The following SKA2 variants were observed in gnomAD, a reference collection of about 807,000 sequenced individuals.
SKA2 encodes the protein spindle and kinetochore-associated protein 2.
SKA2 carries 13 observed loss-of-function variants against 16.9 expected under a neutral mutation model. That is an observed-to-expected ratio of 0.77 (90% confidence interval 0.50 to 1.22). The LOEUF is 1.22. Among genes scored for constraint, SKA2 ranks in the 50% most tolerant of loss-of-function variants. The pLI is 0.00. For synonymous variants in SKA2, 47 were observed against 48.5 expected, an observed-to-expected ratio of 0.97 and a Z score of 0.13; for missense variants, 107 against 139.7, an observed-to-expected ratio of 0.77 and a Z score of 1.18.
chr17:59,145,841 T>G (rs1350914547), intron 1 of SKA2, among the ~76,000 whole-genome samples: 1 of 151,978 alleles, frequency 6.6e-6, no homozygotes, highest in African/African-American at 2.4e-5. Context: ...TTTTTTAAAC[T>G]AGCCAGGCAT....
Position 59,112,015 on chromosome 17 carries a change from CTAAG to C in SKA2, c.*258_*261del, listed in dbSNP as rs1273248843. ...GAATTTCTGGCCTGAAATTACAAGACTAAGTGTGTGTGTGCATGCGTGTGTACAT... is the reference window on the plus strand; with the variant it reads ...GAATTTCTGGCCTGAAATTACAAGACTGTGTGTGTGCATGCGTGTGTACAT... On this transcript the variant is annotated 3_prime_UTR_variant, in exon 4 of 4. Transcript: ENST00000330137. 2.6e-5 allele frequency: 9 copies of C among 344,154 alleles called. No homozygotes were observed. Among genetic ancestry groups the C allele is most frequent in the Middle Eastern group, 8.3e-4 (1 of 1,198 alleles). 21.3% of individuals were successfully genotyped at this position (344,154 alleles called of 1,614,324 possible). A position where few individuals can be genotyped will look rare whatever the true frequency, so the allele number is the denominator to read the frequency against.
At chr17:59,144,557 G>A (rs1053222371) in intron 1 of SKA2, among the ~76,000 whole-genome samples, 2 of 152,090 alleles carry the variant, frequency 1.3e-5, no homozygotes, top group African/African-American at 2.4e-5. Flanking sequence ...TAGTACATAC[G>A]TACAATGGAA....
chr17:59,121,793 C>CAAAAAAAA (rs758240217), intron 2 of SKA2, among the ~76,000 whole-genome samples: 18 of 81,146 alleles, frequency 2.2e-4, no homozygotes, highest in East Asian at 4.2e-4. Context: ...TACGAAAATA[C>CAAAAAAAA]AAAAAAAAAA....
intron 1 of SKA2, chr17:59,151,236 G>C: frequency 2.0e-6 from 1 of 498,442 alleles, no homozygotes; most frequent in South Asian, 1.5e-5. Flanking sequence ...AGTAGGAAAG[G>C]AACACAAAAG....
chr17:59,153,394 T>C (rs1157322018), intron 1 of SKA2, among the ~76,000 whole-genome samples: 2 of 151,946 alleles, frequency 1.3e-5, no homozygotes, highest in Non-Finnish European at 2.9e-5. Context: ...CTGCAGGAAA[T>C]TCTTCCTTCT....
At chr17:59,128,425 G>C (rs887333181) in intron 2 of SKA2, among the ~76,000 whole-genome samples, 6 of 151,746 alleles carry the variant, frequency 4.0e-5, no homozygotes. Context: ...AGGAGTTCAA[G>C]ACCAGCCTGG....
intron 2 of SKA2, among the ~76,000 whole-genome samples, chr17:59,122,202 G>A (rs1038406336): frequency 1.3e-5 from 2 of 152,174 alleles, no homozygotes; most frequent in African/African-American, 2.4e-5. Flanking sequence ...GCTGGGCCAT[G>A]GTGGCTCATG....
chr17:59,125,741 G>T (rs1315123271), intron 2 of SKA2, among the ~76,000 whole-genome samples: 1 of 151,474 alleles, frequency 6.6e-6, no homozygotes, highest in Admixed American at 6.6e-5. Context: ...TAATGATAGT[G>T]CTGGTGATGG....
chr17:59,152,355 G>A (rs7502947), intron 1 of SKA2, among the ~76,000 whole-genome samples: 105,270 of 151,988 alleles, frequency 0.69, 37,914 homozygotes, highest in African/African-American at 0.88. Flanking sequence ...AAGGAAATGG[G>A]CTCATACAAA....
chr17:59,146,255 T>C (rs2046531548), intron 1 of SKA2, among the ~76,000 whole-genome samples: 2 of 152,238 alleles, frequency 1.3e-5, no homozygotes, highest in African/African-American at 4.8e-5. Context: ...CCCAGCACTT[T>C]TGAGAGGCCA....
In SKA2 at chr17:59,109,939, A is replaced by T. The variant is rs1234503028; in HGVS notation, c.*2338T>A. 1 of 152,262 alleles carries T rather than the reference A, an allele frequency of 6.6e-6. No individual in the cohort carries two copies. The highest frequency in any genetic ancestry group is 1.9e-4 in the East Asian group (1 of 5,206). The allele number at this position is 152,262 out of a possible 1,614,324, so 9.4% of individuals were successfully genotyped here. A position where few individuals can be genotyped will look rare whatever the true frequency, so the allele number is the denominator to read the frequency against. The stretch of plus-strand genomic sequence containing the variant: ...GGTGTGAAGATAATGTAGAGGTTGT[A>T]TACTATGACCATTTTAGAAAGAGGA... On this transcript the variant is annotated 3_prime_UTR_variant, in exon 4 of 4. Transcript: ENST00000330137.
chr17:59,122,831 C>T lies in SKA2; in HGVS notation c.121-3336G>A, dbSNP rs1027872769. On this transcript the variant is annotated intron_variant, in intron 2 of 3. Transcript: ENST00000330137. ...AGAGATGAGGTTTCGCCATGTTGGC[C>T]AGGCTGGTCTAGAACTCCTGACCTC... is the stretch of plus-strand genomic sequence containing the variant. 5.9e-5 allele frequency among the ~76,000 whole-genome samples: 9 copies of T among 151,848 alleles called. 1 individual carries two copies. The highest frequency in any genetic ancestry group is 5.3e-4 in the Admixed American group (8 of 15,234).
chr17:59,136,223 C>T (rs140724302), intron 1 of SKA2, among the ~76,000 whole-genome samples: 64 of 152,190 alleles, frequency 4.2e-4, no homozygotes, highest in African/African-American at 1.4e-3. Flanking sequence ...TGCAGTGGCG[C>T]GATCTCGGGG....
At chr17:59,141,811 C>G (rs769837717) in intron 1 of SKA2, among the ~76,000 whole-genome samples, 1 of 151,480 alleles carries the variant, frequency 6.6e-6, no homozygotes, top group African/African-American at 2.4e-5. Context: ...AAAAACTGAT[C>G]ATTTATTTTC....
intron 2 of SKA2, among the ~76,000 whole-genome samples, chr17:59,129,032 T>C (rs1286742894): frequency 1.3e-5 from 2 of 152,126 alleles, no homozygotes; most frequent in East Asian, 1.9e-4. Context: ...TACACGTCAA[T>C]GTCTTTCAAA....
chr17:59,116,394 A>C (rs1288731528), intron 3 of SKA2, among the ~76,000 whole-genome samples: 2 of 152,158 alleles, frequency 1.3e-5, no homozygotes, highest in Non-Finnish European at 1.5e-5. Context: ...AAACAAAAAA[A>C]TTAAATAAAT....
At chr17:59,148,744 A>C (rs1483194683) in intron 1 of SKA2, among the ~76,000 whole-genome samples, 1 of 149,792 alleles carries the variant, frequency 6.7e-6, no homozygotes, top group Admixed American at 6.7e-5. Context: ...TTGGGAGGTC[A>C]AGGCTGCAGT....
rs559590977 is a variant in SKA2, at chr17:59,154,827, C to T, written c.33+304G>A. 1.0e-4 allele frequency: 95 copies of T among 934,420 alleles called. 1 individual carries two copies. The highest frequency in any genetic ancestry group is 1.5e-4 in the Non-Finnish European group (91 of 606,122). 57.9% of individuals were successfully genotyped at this position (934,420 alleles called of 1,614,324 possible). On this transcript the variant is annotated intron_variant, in intron 1 of 3. Transcript: ENST00000330137. ...TCTTTTTTGGTACAAACACAGAATG[C>T]GGTCTGCACCCGGCGCAGTTTCGTA... is the stretch of plus-strand genomic sequence containing the variant.
chr17:59,124,422 ACT>A (rs985453149), intron 2 of SKA2: 3 of 137,494 alleles, frequency 2.2e-5, no homozygotes, highest in Non-Finnish European at 4.7e-5. Context: ...ACAGAGTGAG[ACT>A]CTGTCTGGGG....
Sources: allele counts gnomAD v4.1 joint callset (sites outside exome capture counted in the v4.1 genomes callset), GRCh38; gene constraint gnomAD v4.1.1; transcripts MANE v1.5; gene names NCBI Gene and HGNC (gene_info 2026-07-23, HGNC 2026-07-21).